Variants in NKAIN2 observed in about 807,000 individuals in gnomAD.
NKAIN2 encodes sodium/potassium transporting ATPase interacting 2.
A neutral mutation model predicts 32.6 loss-of-function variants in NKAIN2; 14 were observed. The observed-to-expected ratio is 0.43, with a 90% CI of 0.28 to 0.67. The LOEUF (loss-of-function observed/expected upper bound fraction) is 0.67. Ranked by LOEUF, NKAIN2 falls within the 30% of genes least tolerant of loss-of-function variation. The probability of loss-of-function intolerance (pLI) is 0.17; values close to 1 mark genes in which losing one functional copy is unlikely to be tolerated. For synonymous variants in NKAIN2, 80 were observed against 87.2 expected (o/e 0.92, Z 0.46); for missense variants, 198 against 258.3 (o/e 0.77, Z 1.60).
At chr6:124,342,189 C>T (rs765002754) in intron 2 of NKAIN2, among the ~76,000 whole-genome samples, 1 of 151,666 alleles carries the variant, frequency 6.6e-6, no homozygotes, top group Non-Finnish European at 1.5e-5. Flanking sequence ...ATCACGAGGT[C>T]AGAAGATCGA....
chr6:124,323,058 T>A (rs1352652957), intron 2 of NKAIN2, among the ~76,000 whole-genome samples: 1 of 152,224 alleles, frequency 6.6e-6, no homozygotes, highest in Non-Finnish European at 1.5e-5. Flanking sequence ...TGTGCTTATT[T>A]GCCATCTGCA....
chr6:124,439,936 C>G (rs928877118), intron 3 of NKAIN2, among the ~76,000 whole-genome samples: 1 of 151,954 alleles, frequency 6.6e-6, no homozygotes, highest in African/African-American at 2.4e-5. Flanking sequence ...AGGAAATTTA[C>G]TGGAGCACAC....
intron 3 of NKAIN2, among the ~76,000 whole-genome samples, chr6:124,419,110 A>G (rs1416977334): frequency 6.6e-6 from 1 of 151,968 alleles, no homozygotes; most frequent in Non-Finnish European, 1.5e-5. Flanking sequence ...ATTTGCCTCC[A>G]CTTCTAAGCA....
chr6:123,935,067 T>C (rs1196102646), intron 1 of NKAIN2, among the ~76,000 whole-genome samples: 1 of 147,306 alleles, frequency 6.8e-6, no homozygotes, highest in Non-Finnish European at 1.5e-5. Context: ...ATATATATAT[T>C]TCTATATATA....
intron 3 of NKAIN2, among the ~76,000 whole-genome samples, chr6:124,609,876 G>A (rs1225009462): frequency 6.6e-6 from 1 of 152,132 alleles, no homozygotes; most frequent in African/African-American, 2.4e-5. Flanking sequence ...TTCTAGCTGT[G>A]TAAGCTTGTG....
At chr6:124,805,922 G>A (rs1447752705) in intron 5 of NKAIN2, among the ~76,000 whole-genome samples, 1 of 152,176 alleles carries the variant, frequency 6.6e-6, no homozygotes, top group African/African-American at 2.4e-5. Flanking sequence ...AATGAAGCAA[G>A]AAGGGAAGTT....
chr6:123,938,427 T>C (rs1477613096), intron 1 of NKAIN2, among the ~76,000 whole-genome samples: 3 of 45,284 alleles, frequency 6.6e-5, no homozygotes, highest in African/African-American at 2.4e-4. Flanking sequence ...TATATATATA[T>C]ATATATATAT....
rs561022851 is a variant in NKAIN2 at position 123,846,579 on chromosome 6, A to T, written c.54+42325A>T. 3.9e-5 allele frequency among the ~76,000 whole-genome samples: 6 copies of T among 152,302 alleles called. No individual in the cohort carries two copies. The East Asian group carries it at 9.7e-4, about 25-fold the overall frequency. On this transcript the variant is annotated intron_variant, in intron 1 of 6. Coordinates refer to ENST00000368417, the MANE Select transcript of NKAIN2 (RefSeq NM_001040214.3). ...TCTCAGTTGTGATGAACTAAGTGGG[A>T]TGTTAATAGGAAGAAAAAATGATTT...
chr6:124,300,432 G>A lies in NKAIN2; in HGVS notation c.192+17290G>A, dbSNP rs868782501. 3.9e-5 allele frequency among the ~76,000 whole-genome samples: 6 copies of A among 152,234 alleles called. No individual in the cohort carries two copies. The South Asian group carries it at 1.2e-3, about 32-fold the overall frequency. ...TCCCAGTATTAATTACCCAGTCTCA[G>A]GTGTGTCTTTACTAGCAGCCTGACA... is the stretch of plus-strand genomic sequence containing the variant. On this transcript the variant is annotated intron_variant, in intron 2 of 6. Coordinates refer to ENST00000368417, the MANE Select transcript of NKAIN2 (RefSeq NM_001040214.3).
At chr6:124,280,686 A>G (rs1415137887) in intron 1 of NKAIN2, among the ~76,000 whole-genome samples, 1 of 152,196 alleles carries the variant, frequency 6.6e-6, no homozygotes, top group Non-Finnish European at 1.5e-5. Context: ...CAGGTCCACT[A>G]TACAGGCCCC....
intron 4 of NKAIN2, among the ~76,000 whole-genome samples, chr6:124,752,564 T>G (rs1263334949): frequency 6.6e-6 from 1 of 151,916 alleles, no homozygotes; most frequent in Non-Finnish European, 1.5e-5. Context: ...TGTGTGTGTA[T>G]ACATGCCTGC....
intron 1 of NKAIN2, among the ~76,000 whole-genome samples, chr6:123,973,965 CCT>C (rs1188543508): frequency 6.6e-6 from 1 of 151,996 alleles, no homozygotes; most frequent in African/African-American, 2.4e-5. Flanking sequence ...GAAAAATACT[CCT>C]CTGGAATTTT....
At chr6:124,035,968 A>C (rs1781589173) in intron 1 of NKAIN2, among the ~76,000 whole-genome samples, 1 of 152,070 alleles carries the variant, frequency 6.6e-6, no homozygotes, top group Admixed American at 6.6e-5. Context: ...CTGTTTTGAA[A>C]AGCATGCCAT....
chr6:124,165,736 A>C lies in NKAIN2; in HGVS notation c.55-117269A>C, dbSNP rs1788503045. Among the ~76,000 whole-genome samples, 3 of 148,208 alleles carry C rather than the reference A, an allele frequency of 2.0e-5. No homozygotes were observed. In the Admixed American group the frequency reaches 2.0e-4, roughly 10 times the overall value. On this transcript the variant is annotated intron_variant, in intron 1 of 6. Coordinates refer to ENST00000368417, the MANE Select transcript of NKAIN2 (RefSeq NM_001040214.3). ...CTGTGTCCATGTGTTCTCATTGTTCAATTCCCACCTATGAGTGAGAACATG... is the reference window on the plus strand; with the variant it reads ...CTGTGTCCATGTGTTCTCATTGTTCCATTCCCACCTATGAGTGAGAACATG...
intron 1 of NKAIN2, among the ~76,000 whole-genome samples, chr6:124,055,327 T>G (rs1287741921): frequency 2.6e-5 from 4 of 152,064 alleles, no homozygotes; most frequent in Non-Finnish European, 5.9e-5. Flanking sequence ...TAATATTTTC[T>G]TTTCAGATAC....
intron 1 of NKAIN2, among the ~76,000 whole-genome samples, chr6:124,191,382 A>C (rs1790013658): frequency 6.6e-6 from 1 of 151,988 alleles, no homozygotes; most frequent in Non-Finnish European, 1.5e-5. Flanking sequence ...ATGATAAAAA[A>C]TATTATTTAT....
intron 1 of NKAIN2, among the ~76,000 whole-genome samples, chr6:123,853,090 G>A (rs968257779): frequency 6.6e-6 from 1 of 152,172 alleles, no homozygotes; most frequent in African/African-American, 2.4e-5. Flanking sequence ...TCTTGATACT[G>A]TGTGCCACAG....
intron 1 of NKAIN2, among the ~76,000 whole-genome samples, chr6:124,265,728 G>T (rs1794462207): frequency 6.6e-6 from 1 of 152,090 alleles, no homozygotes; most frequent in Non-Finnish European, 1.5e-5. Flanking sequence ...TACGTATGAG[G>T]CTTTAGACTT....
chr6:124,130,004 T>TA (rs1165658085), intron 1 of NKAIN2, among the ~76,000 whole-genome samples: 52 of 152,354 alleles, frequency 3.4e-4, no homozygotes, highest in African/African-American at 1.2e-3. Flanking sequence ...GCTTCAGACT[T>TA]ACATGATTTA....
Sources: gnomAD v4.1 joint callset for allele counts (sites outside exome capture counted in the v4.1 genomes callset) on GRCh38, gnomAD v4.1.1 for gene constraint, MANE v1.5 for transcripts, NCBI Gene and HGNC (gene_info 2026-07-23, HGNC 2026-07-21) for gene names.